The following CSMD1 variants were observed in gnomAD, a reference collection of about 807,000 sequenced individuals.
CSMD1 encodes CUB and Sushi multiple domains 1, also known as CUB and sushi domain-containing protein 1.
A neutral mutation model predicts 417.5 loss-of-function variants in CSMD1; 213 were observed. The observed-to-expected ratio is 0.51, with a 90% CI of 0.46 to 0.57. The LOEUF (loss-of-function observed/expected upper bound fraction) is 0.57, where lower values mean the gene tolerates loss of function less well. Ranked by LOEUF, CSMD1 falls within the 20% of genes least tolerant of loss-of-function variation. The pLI, the probability that CSMD1 is intolerant of heterozygous loss-of-function variation, is 0.00. For synonymous variants in CSMD1, 2,862 were observed against 1,736.8 expected, an observed-to-expected ratio of 1.65 and a Z score of -16.11; for missense variants, 6,923 against 4,529.7, an observed-to-expected ratio of 1.53 and a Z score of -15.17.
At chr8:4,130,990 C>T (rs1438312505) in intron 3 of CSMD1, among the ~76,000 whole-genome samples, 1 of 152,104 alleles carries the variant, frequency 6.6e-6, no homozygotes, top group Non-Finnish European at 1.5e-5. Flanking sequence ...TTAAAAGTCT[C>T]TCCCTGCTGT....
chr8:4,372,688 G>T (rs1014692371), intron 3 of CSMD1, among the ~76,000 whole-genome samples: 1 of 148,972 alleles, frequency 6.7e-6, no homozygotes, highest in Non-Finnish European at 1.5e-5. Context: ...CCTGTCAAAG[G>T]ACTCAATAGC....
rs1220825542 is a variant in CSMD1, at chr8:3,844,268, T to G, written c.819-90226A>C. On this transcript the variant is annotated intron_variant, in intron 5 of 69. Coordinates refer to ENST00000635120, the MANE Select transcript of CSMD1 (RefSeq NM_033225.6). ...TGAGAGCAAGTTCCTGACGGATGGGTGGGTGATATTTAGTGAGTCAAGGAA... is the reference window on the plus strand; with the variant it reads ...TGAGAGCAAGTTCCTGACGGATGGGGGGGTGATATTTAGTGAGTCAAGGAA... Among the ~76,000 whole-genome samples, 4 of 152,154 alleles carry G rather than the reference T, an allele frequency of 2.6e-5. No individual in the cohort carries two copies. In the East Asian group the frequency reaches 7.7e-4, roughly 29 times the overall value.
Position 4,067,742 on chromosome 8 carries a change from T to G in CSMD1, c.416-35643A>C, listed in dbSNP as rs146679844. Among the ~76,000 whole-genome samples, 573 of 152,278 alleles carry G rather than the reference T, an allele frequency of 3.8e-3. 4 individuals carry two copies. The highest frequency in any genetic ancestry group is 0.013 in the African/African-American group (546 of 41,568). On this transcript the variant is annotated intron_variant, in intron 3 of 69. Transcript: ENST00000635120. ...GTAATTTGATAAAGGAACGTGTTAT[T>G]CTTTGGACAACTAATTGTATGAACG...
Position 4,417,410 on chromosome 8 carries a change from A to G in CSMD1, c.415+2543T>C, listed in dbSNP as rs888653326. 5.3e-5 allele frequency among the ~76,000 whole-genome samples: 8 copies of G among 152,050 alleles called. No homozygotes were observed. The East Asian group carries it at 1.3e-3, about 26-fold the overall frequency. The stretch of plus-strand genomic sequence containing the variant: ...TTATTCCCAAGGTTATCATGTTTAC[A>G]TAGATCTTAGAACTTTGGAAGATTC... On this transcript the variant is annotated intron_variant, in intron 3 of 69. Transcript: ENST00000635120.
chr8:3,399,078 A>G (rs1322288211), intron 16 of CSMD1, among the ~76,000 whole-genome samples: 1 of 152,102 alleles, frequency 6.6e-6, no homozygotes, highest in Admixed American at 6.6e-5. Flanking sequence ...TCCATGTGCA[A>G]TCAGACATCA....
intron 2 of CSMD1, among the ~76,000 whole-genome samples, chr8:4,432,451 A>C (rs1004267218): frequency 2.2e-4 from 33 of 152,124 alleles, no homozygotes; most frequent in African/African-American, 8.0e-4. Flanking sequence ...AAATGGACTA[A>C]TGACACAAAA....
intron 1 of CSMD1, among the ~76,000 whole-genome samples, chr8:4,674,548 T>C (rs374238704): frequency 2.6e-5 from 4 of 152,062 alleles, no homozygotes; most frequent in East Asian, 3.9e-4. Flanking sequence ...TTGACCATAA[T>C]AGTATTGAAC....
intron 6 of CSMD1, among the ~76,000 whole-genome samples, chr8:3,727,250 T>C (rs954192350): frequency 6.6e-6 from 1 of 152,222 alleles, no homozygotes; most frequent in Non-Finnish European, 1.5e-5. Flanking sequence ...AGAGGAAAAC[T>C]AACCTCTGGA....
chr8:3,256,037 C>T (rs146229213), intron 26 of CSMD1, among the ~76,000 whole-genome samples: 1 of 152,102 alleles, frequency 6.6e-6, no homozygotes, highest in Non-Finnish European at 1.5e-5. Flanking sequence ...TTATAGAAGA[C>T]AATGACTGAG....
intron 1 of CSMD1, among the ~76,000 whole-genome samples, chr8:4,736,155 C>G (rs1810221315): frequency 6.6e-6 from 1 of 152,096 alleles, no homozygotes. Context: ...TTCTGTCACC[C>G]TAATGCTTTC....
At chr8:3,654,224 T>C (rs1034583613) in intron 7 of CSMD1, among the ~76,000 whole-genome samples, 1 of 152,214 alleles carries the variant, frequency 6.6e-6, no homozygotes, top group Non-Finnish European at 1.5e-5. Context: ...GACTGAATTG[T>C]ATGTAAACCT....
chr8:4,469,436 T>A (rs916237236), intron 2 of CSMD1, among the ~76,000 whole-genome samples: 3 of 152,224 alleles, frequency 2.0e-5, no homozygotes, highest in Non-Finnish European at 4.4e-5. Context: ...CATCTGGGAC[T>A]GCAAATTGTG....
intron 1 of CSMD1, among the ~76,000 whole-genome samples, chr8:4,737,283 G>A (rs989350929): frequency 2.4e-4 from 37 of 152,114 alleles, no homozygotes; most frequent in Admixed American, 6.6e-4. Flanking sequence ...GGAGCTAACT[G>A]ATAAGAACAC....
intron 18 of CSMD1, among the ~76,000 whole-genome samples, chr8:3,377,437 G>A (rs1336906057): frequency 6.6e-6 from 1 of 152,142 alleles, no homozygotes; most frequent in Non-Finnish European, 1.5e-5. Flanking sequence ...TATATCGACA[G>A]ACAATAAAGA....
intron 26 of CSMD1, among the ~76,000 whole-genome samples, chr8:3,265,180 A>C (rs1020225281): frequency 3.9e-5 from 6 of 152,218 alleles, no homozygotes; most frequent in Non-Finnish European, 8.8e-5. Context: ...ACTAGAACCA[A>C]TAACTAAAAA....
At chr8:3,402,494 G>C (rs896581303) in intron 15 of CSMD1, among the ~76,000 whole-genome samples, 2 of 152,136 alleles carry the variant, frequency 1.3e-5, no homozygotes, top group East Asian at 3.8e-4. Flanking sequence ...GCAGAAGAAA[G>C]AGAGAAAGAG....
At chr8:4,005,741 A>C (rs556253736) in intron 4 of CSMD1, among the ~76,000 whole-genome samples, 13 of 152,306 alleles carry the variant, frequency 8.5e-5, no homozygotes, top group African/African-American at 2.9e-4. Context: ...AATATGTGGA[A>C]GTGAGTTATT....
chr8:3,543,810 G>C (rs961916017), intron 10 of CSMD1, among the ~76,000 whole-genome samples: 1 of 152,154 alleles, frequency 6.6e-6, no homozygotes, highest in African/African-American at 2.4e-5. Flanking sequence ...TTCAGAGTCT[G>C]AATAGGAACA....
intron 2 of CSMD1, among the ~76,000 whole-genome samples, chr8:4,491,016 C>T (rs1291920339): frequency 2.0e-5 from 3 of 152,066 alleles, no homozygotes; most frequent in Non-Finnish European, 4.4e-5. Context: ...AGGCTAGGGA[C>T]ATGTAGGCAG....
Sources: allele counts gnomAD v4.1 joint callset (sites outside exome capture counted in the v4.1 genomes callset), GRCh38; gene constraint gnomAD v4.1.1; transcripts MANE v1.5; gene names NCBI Gene and HGNC (gene_info 2026-07-23, HGNC 2026-07-21).